The following TMEM108 variants were observed in gnomAD, a reference collection of about 807,000 sequenced individuals.
TMEM108 encodes the protein transmembrane protein 108.
In TMEM108, 12 loss-of-function variants were observed where a neutral mutation model predicts 35.1. The observed-to-expected ratio is 0.34, with a 90% CI of 0.22 to 0.55. The LOEUF is 0.55. Among genes scored for constraint, TMEM108 ranks in the 20% least tolerant of loss-of-function variants. TMEM108 has a pLI of 0.89. For synonymous variants in TMEM108, 287 were observed against 308.6 expected, an observed-to-expected ratio of 0.93 and a Z score of 0.73; for missense variants, 680 against 753.3, an observed-to-expected ratio of 0.90 and a Z score of 1.14.
intron 5 of TMEM108, among the ~76,000 whole-genome samples, chr3:133,390,881 C>T (rs549773789): frequency 4.6e-5 from 7 of 152,288 alleles, no homozygotes; most frequent in South Asian, 4.1e-4. Flanking sequence ...GGTGAGGATA[C>T]GTGCTGGATC....
intron 3 of TMEM108, among the ~76,000 whole-genome samples, chr3:133,282,753 T>C (rs923778964): frequency 6.6e-6 from 1 of 152,180 alleles, no homozygotes; most frequent in Admixed American, 6.5e-5. Context: ...AAAGGTGAAG[T>C]ACATTGCAGC....
intron 2 of TMEM108, among the ~76,000 whole-genome samples, chr3:133,154,766 A>G (rs1326604778): frequency 2.0e-5 from 3 of 152,182 alleles, no homozygotes; most frequent in East Asian, 1.9e-4. Context: ...ATGCTAAATG[A>G]AGAGTTAATG....
intron 2 of TMEM108, among the ~76,000 whole-genome samples, chr3:133,212,006 C>T (rs550211532): frequency 1.3e-5 from 2 of 152,182 alleles, no homozygotes; most frequent in South Asian, 2.1e-4. Context: ...TTTTTTCCCC[C>T]TTGAAAATAT....
intron 3 of TMEM108, among the ~76,000 whole-genome samples, chr3:133,356,897 C>T (rs1160166748): frequency 6.6e-6 from 1 of 152,196 alleles, no homozygotes; most frequent in Non-Finnish European, 1.5e-5. Context: ...CTCTTCTGGA[C>T]ATTGGCCTAG....
chr3:133,075,458 C>T (rs1282918285), intron 2 of TMEM108, among the ~76,000 whole-genome samples: 1 of 152,122 alleles, frequency 6.6e-6, no homozygotes, highest in Non-Finnish European at 1.5e-5. Flanking sequence ...TCTTTGATCA[C>T]CAGTGATTTA....
intron 3 of TMEM108, among the ~76,000 whole-genome samples, chr3:133,365,753 T>G (rs2072484796): frequency 6.6e-6 from 1 of 152,148 alleles, no homozygotes; most frequent in African/African-American, 2.4e-5. Flanking sequence ...AGTCAGGGTT[T>G]GAACTATATC....
chr3:133,067,664 C>T (rs1318184660), intron 2 of TMEM108, among the ~76,000 whole-genome samples: 1 of 152,122 alleles, frequency 6.6e-6, no homozygotes, highest in African/African-American at 2.4e-5. Context: ...AAGTACTTTG[C>T]TCTCAGAGAC....
chr3:133,347,019 T>G (rs2071839667), intron 3 of TMEM108, among the ~76,000 whole-genome samples: 1 of 152,130 alleles, frequency 6.6e-6, no homozygotes. Context: ...TTCATCAGTA[T>G]TACACTGCCT....
intron 3 of TMEM108, among the ~76,000 whole-genome samples, chr3:133,278,912 T>C (rs1313286322): frequency 1.3e-5 from 2 of 152,104 alleles, no homozygotes; most frequent in Non-Finnish European, 2.9e-5. Flanking sequence ...TTTAACAACA[T>C]GTAAATTGTC....
chr3:133,330,397 G>A (rs1000710263), intron 3 of TMEM108, among the ~76,000 whole-genome samples: 2 of 152,092 alleles, frequency 1.3e-5, no homozygotes, highest in Non-Finnish European at 2.9e-5. Flanking sequence ...ATGGGTGTGG[G>A]TTTGGAGGTG....
At chr3:133,117,747 T>C (rs1944304907) in intron 2 of TMEM108, among the ~76,000 whole-genome samples, 3 of 152,122 alleles carry the variant, frequency 2.0e-5, no homozygotes, top group Admixed American at 2.0e-4. Flanking sequence ...ATGAAGATTT[T>C]TGGGGTTTGA....
chr3:133,074,147 A>G (rs1943712363), intron 2 of TMEM108, among the ~76,000 whole-genome samples: 2 of 152,178 alleles, frequency 1.3e-5, no homozygotes, highest in Non-Finnish European at 2.9e-5. Context: ...TTAAAATCAC[A>G]GGCACAGAGA....
At chr3:133,044,229 C>T (rs982572569) in intron 1 of TMEM108, among the ~76,000 whole-genome samples, 7 of 152,140 alleles carry the variant, frequency 4.6e-5, no homozygotes, top group Admixed American at 2.0e-4. Context: ...ATTCTAATCT[C>T]AGTATATTGC....
At chr3:133,151,321 C>A (rs1011976567) in intron 2 of TMEM108, among the ~76,000 whole-genome samples, 16 of 152,216 alleles carry the variant, frequency 1.1e-4, no homozygotes, top group African/African-American at 2.9e-4. Flanking sequence ...AGATGCCCAA[C>A]AAATAACTTG....
chr3:133,051,165 C>A (rs186040476), intron 2 of TMEM108, among the ~76,000 whole-genome samples: 1 of 152,182 alleles, frequency 6.6e-6, no homozygotes, highest in African/African-American at 2.4e-5. Flanking sequence ...CACATCCTTG[C>A]AAGCATTTGG....
At chr3:133,240,370 T>G (rs143740663) in intron 3 of TMEM108, among the ~76,000 whole-genome samples, 1 of 152,344 alleles carries the variant, frequency 6.6e-6, no homozygotes, top group African/African-American at 2.4e-5. Context: ...TAAATTTGCA[T>G]AAGTCAACAA....
At chr3:133,117,982 T>C (rs759780639) in intron 2 of TMEM108, among the ~76,000 whole-genome samples, 2 of 152,162 alleles carry the variant, frequency 1.3e-5, no homozygotes, top group African/African-American at 2.4e-5. Flanking sequence ...GAATCTATTA[T>C]GAGGCCTTTT....
intron 3 of TMEM108, among the ~76,000 whole-genome samples, chr3:133,335,207 G>T (rs763554149): frequency 2.6e-5 from 4 of 152,106 alleles, no homozygotes; most frequent in Admixed American, 2.6e-4. Context: ...AAAGTCCTCC[G>T]CTGGATGACA....
At chr3:133,206,172 AC>A (rs1242490773) in intron 2 of TMEM108, among the ~76,000 whole-genome samples, 3 of 152,100 alleles carry the variant, frequency 2.0e-5, no homozygotes, top group Admixed American at 6.5e-5. Context: ...TCTTCTCTAA[AC>A]TGGTTATTCC....
Sources: allele counts gnomAD v4.1 joint callset (sites outside exome capture counted in the v4.1 genomes callset), GRCh38; gene constraint gnomAD v4.1.1; transcripts MANE v1.5; gene names NCBI Gene and HGNC (gene_info 2026-07-23, HGNC 2026-07-21).